Variants in CRTAM observed in about 807,000 individuals in gnomAD.
CRTAM encodes cytotoxic and regulatory T-cell molecule.
A neutral mutation model predicts 50.0 loss-of-function variants in CRTAM; 44 were observed. The observed-to-expected ratio is 0.88, with a 90% CI of 0.69 to 1.13. The LOEUF is 1.13. Among genes scored for constraint, CRTAM ranks in the 50% most tolerant of loss-of-function variants. The pLI is 0.00. For missense variants in CRTAM, 448 were observed against 457.5 expected (o/e 0.98, Z 0.19); for synonymous variants, 159 against 169.3 (o/e 0.94, Z 0.47).
intron 5 of CRTAM, among the ~76,000 whole-genome samples, chr11:122,862,089 C>T (rs1862092612): frequency 6.6e-6 from 1 of 152,150 alleles, no homozygotes; most frequent in African/African-American, 2.4e-5. Flanking sequence ...CACTGGAATT[C>T]AGCCCAGTCT....
chr11:122,847,606 C>T (rs1008386104), intron 1 of CRTAM, among the ~76,000 whole-genome samples: 2 of 152,170 alleles, frequency 1.3e-5, no homozygotes, highest in African/African-American at 4.8e-5. Context: ...GAGTGAAACC[C>T]TGGGCTTAAT....
At chr11:122,847,808 T>C (rs1861884012) in intron 1 of CRTAM, among the ~76,000 whole-genome samples, 1 of 152,218 alleles carries the variant, frequency 6.6e-6, no homozygotes, top group Admixed American at 6.5e-5. Context: ...ACTAGAGGCA[T>C]AGCTTCTTTA....
chr11:122,844,216 A>T (rs1057004347), intron 1 of CRTAM, among the ~76,000 whole-genome samples: 6 of 152,348 alleles, frequency 3.9e-5, no homozygotes, highest in African/African-American at 1.4e-4. Context: ...CACAATTTTT[A>T]AAATGTTGTA....
chr11:122,862,586 GT>G, intron 6 of CRTAM, 42 bp downstream of exon 6: 1 of 1,227,684 alleles, frequency 8.1e-7, no homozygotes, highest in Non-Finnish European at 1.2e-6. Context: ...AAAAAATCAC[GT>G]TTCCTTGGGA....
chr11:122,858,711 TAG>T (rs1249008271), intron 5 of CRTAM, among the ~76,000 whole-genome samples: 1 of 152,094 alleles, frequency 6.6e-6, no homozygotes, highest in African/African-American at 2.4e-5. Context: ...AAATTTTTTA[TAG>T]AGACAGAATC....
In CRTAM at chr11:122,867,491, A is replaced by G; in HGVS notation, c.900A>G (p.Ile300Met). The G allele has an allele frequency of 6.2e-7, 1 of 1,613,976 alleles. No individual in the cohort carries two copies. Among genetic ancestry groups the G allele is most frequent in the Non-Finnish European group, 8.5e-7 (1 of 1,179,980 alleles). ...CGCTGGTGTCCTTCCTCATTTTCAT[A>G]CTCTTCATCATAGTCCAGCTCTTCA... ...LLTLVSFLIF[I>M]LFIIVQLFIM... The change falls in exon 8 of 10, where the codon ATA (isoleucine) becomes ATG (methionine). Residue 300 changes from isoleucine to methionine, a missense_variant. Coordinates refer to ENST00000227348, the MANE Select transcript of CRTAM (RefSeq NM_019604.4).
At chr11:122,856,402 C>T (rs1862008538) in intron 5 of CRTAM, among the ~76,000 whole-genome samples, 1 of 152,178 alleles carries the variant, frequency 6.6e-6, no homozygotes, top group Non-Finnish European at 1.5e-5. Flanking sequence ...AGAGGAGTTG[C>T]CTCCATTCTC....
chr11:122,850,844 C>G (rs751632225), intron 2 of CRTAM, among the ~76,000 whole-genome samples: 2 of 152,238 alleles, frequency 1.3e-5, no homozygotes, highest in East Asian at 3.9e-4. Flanking sequence ...ATCTCTTTGA[C>G]GTTAGGCAGG....
At chr11:122,863,898 C>T (rs545127624) in intron 6 of CRTAM, among the ~76,000 whole-genome samples, 2 of 152,124 alleles carry the variant, frequency 1.3e-5, no homozygotes, top group Non-Finnish European at 2.9e-5. Flanking sequence ...TCATTCCCCT[C>T]GGGGTCCACA....
intron 7 of CRTAM, 136 bp downstream of exon 7, chr11:122,864,855 T>C (rs945119694): frequency 5.1e-5 from 32 of 631,900 alleles, no homozygotes; most frequent in Middle Eastern, 2.5e-4. Flanking sequence ...ATCACTCCCT[T>C]GTCCCTCCTT....
Position 122,845,256 on chromosome 11 carries a change from A to T in CRTAM, c.47-4812A>T, listed in dbSNP as rs543908820. On this transcript the variant is annotated intron_variant, in intron 1 of 9. Transcript: ENST00000227348. ...GAAGGAACACCATAGGTTGAATAAG[A>T]TATGGTCTGAGAATGGAGCATTGGT... Among the ~76,000 whole-genome samples the T allele has an allele frequency of 2.0e-5, 3 of 152,282 alleles. No individual in the cohort carries two copies. The South Asian group carries it at 6.2e-4, about 32-fold the overall frequency.
chr11:122,843,322 G>A (rs907844584), intron 1 of CRTAM, among the ~76,000 whole-genome samples: 6 of 152,178 alleles, frequency 3.9e-5, no homozygotes, highest in Non-Finnish European at 8.8e-5. Context: ...GGATCAGCTA[G>A]CAATCTCATA....
intron 2 of CRTAM, among the ~76,000 whole-genome samples, chr11:122,851,266 T>TAA (rs11287824): frequency 7.2e-6 from 1 of 138,676 alleles, no homozygotes; most frequent in African/African-American, 2.7e-5. Context: ...ACTCTGTCTC[T>TAA]AAAAAAAAAA....
chr11:122,854,128 A>C (rs1046940032), intron 4 of CRTAM, 42 bp downstream of exon 4: 4 of 1,589,950 alleles, frequency 2.5e-6, no homozygotes, highest in East Asian at 4.5e-5. Flanking sequence ...TTCCTACTCA[A>C]ATTTCCAGGG....
At chr11:122,861,262 C>CA (rs1862069998) in intron 5 of CRTAM, among the ~76,000 whole-genome samples, 1 of 150,358 alleles carries the variant, frequency 6.7e-6, no homozygotes, top group Middle Eastern at 3.4e-3. Context: ...GATATGTTTT[C>CA]AAAACCATGG....
intron 6 of CRTAM, among the ~76,000 whole-genome samples, chr11:122,863,108 A>G (rs1019816343): frequency 3.9e-5 from 6 of 152,132 alleles, no homozygotes; most frequent in African/African-American, 1.4e-4. Context: ...TTATAATTCC[A>G]ATTTTTTAGA....
rs1438828149 is a variant in CRTAM at position 122,838,602 on chromosome 11, T to TA, written c.46+11dup. ...TGGTTCCCCTTGCAAGGTAAGGACT[T>TA]AGAGTTATTTTTGTTGTTGCTCAGC... On this transcript the variant is annotated intron_variant, in intron 1 of 9. Transcript: ENST00000227348. 5 of 1,613,736 alleles carry TA rather than the reference T, an allele frequency of 3.1e-6. No homozygotes were observed. Among genetic ancestry groups the TA allele is most frequent in the South Asian group, 2.2e-5 (2 of 91,074 alleles).
chr11:122,848,428 T>G (rs1861892338), intron 1 of CRTAM, among the ~76,000 whole-genome samples: 1 of 152,228 alleles, frequency 6.6e-6, no homozygotes, highest in Non-Finnish European at 1.5e-5. Flanking sequence ...CCCAGTGCTT[T>G]TTTTGGAAAG....
rs75065751 is a variant in CRTAM at position 122,864,660 on chromosome 11, C to T, written c.758C>T (p.Thr253Ile). The T allele has an allele frequency of 1.7e-3, 2,793 of 1,613,358 alleles. 65 individuals carry two copies. The African/African-American group carries it at 0.032, about 18-fold the overall frequency. Residue 253 changes from threonine to isoleucine, a missense_variant, in exon 7 of 10, where the codon ACA becomes ATA. Transcript: ENST00000227348. ...STVSVTEDSS[T>I]SEIDKEEKEQ... ...GTCTCAGTAACGGAAGATTCTAGTA[C>T]ATCGGAGATTGACAAGGAAGAGAAA...
Sources: gnomAD v4.1 joint callset for allele counts (sites outside exome capture counted in the v4.1 genomes callset) on GRCh38, gnomAD v4.1.1 for gene constraint, MANE v1.5 for transcripts, NCBI Gene and HGNC (gene_info 2026-07-23, HGNC 2026-07-21) for gene names.